Variants in ASMTL observed in about 807,000 individuals in gnomAD.
The protein encoded by ASMTL is probable bifunctional dTTP/UTP pyrophosphatase/methyltransferase protein.
A neutral mutation model predicts 60.3 loss-of-function variants in ASMTL; 57 were observed. The ratio of observed to expected loss-of-function variants is 0.95; its 90% CI spans 0.76 to 1.18. The LOEUF (loss-of-function observed/expected upper bound fraction) is 1.18, where lower values mean the gene tolerates loss of function less well. ASMTL is among the 50% of genes most tolerant of loss of function. ASMTL has a pLI of 0.00. For synonymous variants in ASMTL, 419 were observed against 373.0 expected (o/e 1.12, Z -1.42); for missense variants, 981 against 852.6 (o/e 1.15, Z -1.88).
chrX:1,413,526 G>T (rs1407693846), intron 11 of ASMTL, among the ~76,000 whole-genome samples: 4 of 152,228 alleles, frequency 2.6e-5, no homozygotes, highest in Non-Finnish European at 5.9e-5. Flanking sequence ...GCCTGTTGCG[G>T]GGGGCGCATG....
At chrX:1,435,391 C>G (rs1326122832) in intron 4 of ASMTL, 2 of 605,014 alleles carry the variant, frequency 3.3e-6, no homozygotes, top group African/African-American at 3.7e-5. Flanking sequence ...ACGTCCCAGG[C>G]TACGGGCTCA....
At position 1,437,671 on chromosome X, in the gene ASMTL, G is replaced by C. The variant is rs1349467143; in HGVS notation, c.273+1426C>G. 2.0e-5 allele frequency among the ~76,000 whole-genome samples: 3 copies of C among 152,094 alleles called. No individual in the cohort carries two copies. The East Asian group carries it at 5.8e-4, about 30-fold the overall frequency. On this transcript the variant is annotated intron_variant, in intron 3 of 12. Transcript: ENST00000381317. The stretch of plus-strand genomic sequence containing the variant: ...CTAGCACTTTGGGATGCCGAGGCGG[G>C]TGGATCACAAGGTCAGGAGATCGAG...
intron 12 of ASMTL, among the ~76,000 whole-genome samples, chrX:1,405,091 AGATG>A (rs1426921439): frequency 9.3e-5 from 14 of 150,840 alleles, no homozygotes; most frequent in South Asian, 2.1e-4. Flanking sequence ...TGCATGGATG[AGATG>A]GATGGATGAG....
rs1386771281 is a variant in ASMTL at position 1,445,395 on chromosome X, C to T, written c.94-3078G>A. ...TCCTTTCCAACCTGGCCAAACTTGG[C>T]TTACAGAGGAACCTAAAGCCAGAGT... is the stretch of plus-strand genomic sequence containing the variant. On this transcript the variant is annotated intron_variant, in intron 1 of 12. Transcript: ENST00000381317. Among the ~76,000 whole-genome samples the T allele has an allele frequency of 6.6e-5, 10 of 152,174 alleles. No homozygotes were observed. In the East Asian group the frequency reaches 9.6e-4, roughly 15 times the overall value.
At chrX:1,440,222 G>C (rs2091077122) in intron 2 of ASMTL, among the ~76,000 whole-genome samples, 2 of 152,108 alleles carry the variant, frequency 1.3e-5, no homozygotes, top group Admixed American at 1.3e-4. Flanking sequence ...GAGTAGCTGG[G>C]ACTACAGGCG....
Position 1,442,248 on chromosome X carries a change from A to T in ASMTL, c.163T>A (p.Tyr55Asn). 6.2e-7 allele frequency: 1 copy of T among 1,613,930 alleles called. No homozygotes were observed. The part of the protein sequence containing the change: ...KLDKASFATP[Y>N]GYAMETAKQK... Reference sequence around the variant, plus strand: ...TTGGCGGTCTCCATGGCGTACCCATACGGAGTAGCGAAGGAGGCTTTGTCC... The same window carrying T: ...TTGGCGGTCTCCATGGCGTACCCATTCGGAGTAGCGAAGGAGGCTTTGTCC... Residue 55 changes from tyrosine (Y) to asparagine (N), a missense_variant, in exon 2 of 13, where the codon TAT becomes AAT. By Grantham distance (143) the Tyr-to-Asn change is moderately radical (BLOSUM62 -2). Coordinates refer to ENST00000381317, the MANE Select transcript of ASMTL (RefSeq NM_004192.4).
intron 11 of ASMTL, among the ~76,000 whole-genome samples, chrX:1,416,101 A>G (rs746253714): frequency 2.5e-4 from 38 of 151,476 alleles, no homozygotes; most frequent in Non-Finnish European, 4.6e-4. Context: ...ACGGACACAC[A>G]GTGATACACC....
intron 12 of ASMTL, among the ~76,000 whole-genome samples, chrX:1,412,190 G>A (rs1433159358): frequency 8.6e-5 from 13 of 152,026 alleles, no homozygotes; most frequent in African/African-American, 3.1e-4. Flanking sequence ...CGCTGGACCT[G>A]CCAACCTCCA....
At chrX:1,431,514 A>G (rs1284216480) in intron 6 of ASMTL, among the ~76,000 whole-genome samples, 6 of 140,368 alleles carry the variant, frequency 4.3e-5, no homozygotes, top group Non-Finnish European at 7.5e-5. Context: ...TTAATCATTA[A>G]AAATCATTAA....
At chrX:1,451,647 T>C (rs1430190807) in intron 1 of ASMTL, among the ~76,000 whole-genome samples, 1 of 119,224 alleles carries the variant, frequency 8.4e-6, no homozygotes, top group African/African-American at 3.4e-5. Context: ...CCTAGGGGGG[T>C]CCCGGGTCAC....
upstream of ASMTL, chrX:1,453,032 C>G (rs1217775545): frequency 7.6e-6 from 4 of 525,290 alleles, no homozygotes; most frequent in Non-Finnish European, 1.3e-5. Flanking sequence ...GGCCACGCCT[C>G]CATTGAACAC....
chrX:1,438,847 G>A (rs1379140933), intron 3 of ASMTL, among the ~76,000 whole-genome samples: 3 of 152,056 alleles, frequency 2.0e-5, no homozygotes, highest in East Asian at 1.9e-4. Flanking sequence ...GGCTGATCTC[G>A]AACCCATGAC....
At chrX:1,441,433 C>T (rs1291101376) in intron 2 of ASMTL, among the ~76,000 whole-genome samples, 47 of 152,078 alleles carry the variant, frequency 3.1e-4, no homozygotes, top group Admixed American at 5.9e-4. Flanking sequence ...CCCGCCACCA[C>T]GCCCAGCTAA....
intron 3 of ASMTL, 66 bp from the exon 4 acceptor site, chrX:1,435,824 G>A (rs1330166804): frequency 6.0e-6 from 8 of 1,342,162 alleles, no homozygotes; most frequent in South Asian, 4.7e-5. Flanking sequence ...CAAGTCCCAC[G>A]GTCCCATTCG....
At chrX:1,420,125 CTA>C (rs2090439246) in intron 9 of ASMTL, among the ~76,000 whole-genome samples, 1 of 151,128 alleles carries the variant, frequency 6.6e-6, no homozygotes, top group Admixed American at 6.6e-5. Flanking sequence ...CCATCTCCCT[CTA>C]TGTGTCTGTC....
rs2089659789 is a variant in ASMTL at position 1,403,217 on chromosome X, C to T, written c.*52G>A. On this transcript the variant is annotated 3_prime_UTR_variant, in exon 13 of 13. Coordinates refer to ENST00000381317, the MANE Select transcript of ASMTL (RefSeq NM_004192.4). ...CTATGGTACTTGGGGACCGGGCGGT[C>T]CACCTGCAGCCTGGGGGAGGACATC... The T allele has an allele frequency of 6.6e-7, 1 of 1,525,608 alleles. No individual in the cohort carries two copies. Among genetic ancestry groups the T allele is most frequent in the Non-Finnish European group, 9.1e-7 (1 of 1,103,662 alleles). The allele number at this position is 1,525,608 out of a possible 1,614,324, so 94.5% of individuals were successfully genotyped here. A position where few individuals can be genotyped will look rare whatever the true frequency, so the allele number is the denominator to read the frequency against.
chrX:1,444,251 A>C (rs1256754571), intron 1 of ASMTL, among the ~76,000 whole-genome samples: 1 of 145,322 alleles, frequency 6.9e-6, no homozygotes, highest in African/African-American at 2.6e-5. Context: ...TGTGTCGCCC[A>C]GGCTGGAGGG....
Position 1,435,705 on chromosome X carries a change from C to T in ASMTL, c.327G>A (p.Arg109=), listed in dbSNP as rs747215166. Residue 109 remains arginine, a synonymous_variant, in exon 4 of 13, where the codon AGG becomes AGA. Coordinates refer to ENST00000381317, the MANE Select transcript of ASMTL (RefSeq NM_004192.4). ...EKPVDKQDAY[R]MLSRLSGREH... ...AACATGGTGCTTACCGGGACAGCATCCTGTAGGCGTCCTGCTTGTCCACCG... is the reference window on the plus strand; with the variant it reads ...AACATGGTGCTTACCGGGACAGCATTCTGTAGGCGTCCTGCTTGTCCACCG... 1.2e-6 allele frequency: 2 copies of T among 1,613,490 alleles called. No individual in the cohort carries two copies. Among genetic ancestry groups the T allele is most frequent in the Non-Finnish European group, 1.7e-6 (2 of 1,179,844 alleles).
At chrX:1,440,895 A>G (rs1316268088) in intron 2 of ASMTL, among the ~76,000 whole-genome samples, 2 of 152,220 alleles carry the variant, frequency 1.3e-5, no homozygotes, top group Non-Finnish European at 2.9e-5. Context: ...TATTAATTCT[A>G]TGTATCACAA....
Sources: allele counts gnomAD v4.1 joint callset (sites outside exome capture counted in the v4.1 genomes callset), GRCh38; gene constraint gnomAD v4.1.1; transcripts MANE v1.5; gene names NCBI Gene and HGNC (gene_info 2026-07-23, HGNC 2026-07-21).